Variants in GALNT18 observed in about 807,000 individuals in gnomAD.
The protein encoded by GALNT18 is polypeptide N-acetylgalactosaminyltransferase 18.
GALNT18 carries 44 observed loss-of-function variants against 69.5 expected under a neutral mutation model. That is an observed-to-expected ratio of 0.63 (90% CI 0.50 to 0.81). GALNT18 has a LOEUF of 0.81. Among genes scored for constraint, GALNT18 ranks in the 40% least tolerant of loss-of-function variants. The probability of loss-of-function intolerance (pLI) is 0.00; values close to 1 mark genes in which losing one functional copy is unlikely to be tolerated. For missense variants in GALNT18, 715 were observed against 810.0 expected, an observed-to-expected ratio of 0.88 and a Z score of 1.42; for synonymous variants, 364 against 318.2, an observed-to-expected ratio of 1.14 and a Z score of -1.53.
intron 3 of GALNT18, among the ~76,000 whole-genome samples, chr11:11,420,274 C>T (rs1052334567): frequency 6.6e-6 from 1 of 152,150 alleles, no homozygotes; most frequent in African/African-American, 2.4e-5. Flanking sequence ...CACCAGCTTC[C>T]CCAACTCCTA....
At position 11,564,193 on chromosome 11, in the gene GALNT18, A is replaced by C. The variant is rs749566284; in HGVS notation, c.235+57166T>G. Among the ~76,000 whole-genome samples, 4 of 152,216 alleles carry C rather than the reference A, an allele frequency of 2.6e-5. No homozygotes were observed. Among genetic ancestry groups the C allele is most frequent in the Non-Finnish European group, 4.4e-5 (3 of 68,042 alleles). ...GAGAGTTTATAAGCTTCCACGCTAG[A>C]ACGTGTGACTGCAAGTCCCGGGTCC... On this transcript the variant is annotated intron_variant, in intron 1 of 10. Transcript: ENST00000227756. This position sits in a 1 kb window ranked among gnomAD's most constrained non-coding sequence, Gnocchi z 4.3.
At chr11:11,287,361 G>C (rs1343270011) in intron 10 of GALNT18, among the ~76,000 whole-genome samples, 1 of 152,088 alleles carries the variant, frequency 6.6e-6, no homozygotes, top group African/African-American at 2.4e-5. Context: ...CTAACATTAG[G>C]CTATTACAAA....
chr11:11,379,051 A>G (rs778428654), intron 4 of GALNT18, 30 bp downstream of exon 4: 2 of 1,539,568 alleles, frequency 1.3e-6, no homozygotes, highest in Non-Finnish European at 1.7e-6. Context: ...TCCCACTGGG[A>G]CTCCTCCTCC....
chr11:11,333,295 G>C (rs951196428), intron 7 of GALNT18, among the ~76,000 whole-genome samples: 3 of 152,112 alleles, frequency 2.0e-5, no homozygotes, highest in African/African-American at 7.2e-5. Context: ...TAACAGCTAA[G>C]GTTTAAACAT....
rs1859149551 is a variant in GALNT18, at chr11:11,583,748, GAAAAGCA to G, written c.235+37604_235+37610del. ...ATGCTTAAAGCTTCAGCTCCTTTCA[GAAAAGCA>G]AAAATCAAACCAGACTTATAGCACT... is the stretch of plus-strand genomic sequence containing the variant. On this transcript the variant is annotated intron_variant, in intron 1 of 10. Coordinates refer to ENST00000227756, the MANE Select transcript of GALNT18 (RefSeq NM_198516.3). This position sits in a 1 kb window ranked among gnomAD's most constrained non-coding sequence, Gnocchi z 4.7. Among the ~76,000 whole-genome samples the G allele has an allele frequency of 6.6e-6, 1 of 152,160 alleles. No individual in the cohort carries two copies. Among genetic ancestry groups the G allele is most frequent in the African/African-American group, 2.4e-5 (1 of 41,452 alleles).
At chr11:11,291,692 TGGCTCCTG>T (rs1849302303) in intron 10 of GALNT18, among the ~76,000 whole-genome samples, 1 of 152,190 alleles carries the variant, frequency 6.6e-6, no homozygotes, top group Admixed American at 6.5e-5. Flanking sequence ...TGCTCCCATT[TGGCTCCTG>T]GGCTCCTCTC....
chr11:11,290,529 C>G (rs980239030), intron 10 of GALNT18, among the ~76,000 whole-genome samples: 8 of 152,208 alleles, frequency 5.3e-5, no homozygotes, highest in Admixed American at 5.2e-4. Flanking sequence ...CCTCCAGGAT[C>G]GGCCACCCCT....
intron 1 of GALNT18, among the ~76,000 whole-genome samples, chr11:11,610,766 A>G (rs1242555679): frequency 6.6e-6 from 1 of 152,240 alleles, no homozygotes; most frequent in Admixed American, 6.5e-5. Flanking sequence ...TGAGATTTAG[A>G]AGTGGAAGAA....
intron 1 of GALNT18, among the ~76,000 whole-genome samples, chr11:11,533,470 C>G (rs375543736): frequency 6.6e-6 from 1 of 152,172 alleles, no homozygotes; most frequent in Non-Finnish European, 1.5e-5. Flanking sequence ...TATCCACATA[C>G]GTCTCCCTAA....
At chr11:11,456,951 G>C (rs1012586226) in intron 1 of GALNT18, among the ~76,000 whole-genome samples, 1 of 152,200 alleles carries the variant, frequency 6.6e-6, no homozygotes, top group Non-Finnish European at 1.5e-5. Context: ...AGACAAGTGG[G>C]AAGTGGGGCA....
At chr11:11,460,535 G>A (rs1396966396) in intron 1 of GALNT18, among the ~76,000 whole-genome samples, 2 of 152,200 alleles carry the variant, frequency 1.3e-5, no homozygotes, top group Non-Finnish European at 2.9e-5. Flanking sequence ...GAGCTGTGAA[G>A]GAGCCTTATC....
chr11:11,271,710 G>A (rs927112254), intron 10 of GALNT18, among the ~76,000 whole-genome samples: 4 of 149,146 alleles, frequency 2.7e-5, no homozygotes, highest in Non-Finnish European at 6.0e-5. Context: ...TAGGGTCCAT[G>A]CCCCCAGTTG....
intron 10 of GALNT18, among the ~76,000 whole-genome samples, chr11:11,281,634 A>G (rs992318901): frequency 2.6e-5 from 4 of 152,144 alleles, no homozygotes; most frequent in African/African-American, 7.2e-5. Flanking sequence ...GCCAAGGTCT[A>G]GAGAGGAAGG....
At position 11,461,496 on chromosome 11, in the gene GALNT18, C is replaced by A. The variant is rs886465885; in HGVS notation, c.236-12560G>T. On this transcript the variant is annotated intron_variant, in intron 1 of 10. Transcript: ENST00000227756. The surrounding 1 kb of genome is among the most constrained non-coding windows in gnomAD (Gnocchi z 4.1). Reference sequence around the variant, plus strand: ...GCCATTACTTGCTACTTTAAAGCAACCTTTAAAGCTAGAATTCTGCCTAGG... The same window carrying A: ...GCCATTACTTGCTACTTTAAAGCAAACTTTAAAGCTAGAATTCTGCCTAGG... Among the ~76,000 whole-genome samples, 10 of 152,122 alleles carry A rather than the reference C, an allele frequency of 6.6e-5. No homozygotes were observed. The East Asian group carries it at 9.6e-4, about 15-fold the overall frequency.
In GALNT18 at chr11:11,389,044, A is replaced by G. The variant is rs1398747113; in HGVS notation, c.596-9780T>C. ...GAGGCTAAAGGATTTGCCCAGTATCACAGAGCTAGAAGATGGCAGAGCTGA... is the reference window on the plus strand; with the variant it reads ...GAGGCTAAAGGATTTGCCCAGTATCGCAGAGCTAGAAGATGGCAGAGCTGA... On this transcript the variant is annotated intron_variant, in intron 3 of 10. Transcript: ENST00000227756. The surrounding 1 kb of genome is among the most constrained non-coding windows in gnomAD (Gnocchi z 4.3). Among the ~76,000 whole-genome samples the G allele has an allele frequency of 6.6e-6, 1 of 152,238 alleles. No homozygotes were observed. The highest frequency in any genetic ancestry group is 1.5e-5 in the Non-Finnish European group (1 of 68,040).
intron 10 of GALNT18, among the ~76,000 whole-genome samples, chr11:11,276,555 A>G (rs1409871861): frequency 6.6e-6 from 1 of 152,160 alleles, no homozygotes. Context: ...CCTGGCCAGA[A>G]CTTCCCATAC....
chr11:11,354,126 T>C (rs10741548), intron 6 of GALNT18, among the ~76,000 whole-genome samples: 146,891 of 152,342 alleles, frequency 0.96, 71,028 homozygotes, highest in East Asian at 1. Context: ...AAGGATTTGC[T>C]CTTTTCATAG....
In GALNT18 at chr11:11,454,701, G is replaced by A. The variant is rs1477655397; in HGVS notation, c.236-5765C>T. The stretch of plus-strand genomic sequence containing the variant: ...CCAGCTCAAACCACAGAACCACAGA[G>A]AGCCAGAGAGTCAGGCCAGGAGTGC... On this transcript the variant is annotated intron_variant, in intron 1 of 10. Transcript: ENST00000227756. This position sits in a 1 kb window ranked among gnomAD's most constrained non-coding sequence, Gnocchi z 4.2. 6.6e-6 allele frequency among the ~76,000 whole-genome samples: 1 copy of A among 152,054 alleles called. No homozygotes were observed. The highest frequency in any genetic ancestry group is 1.5e-5 in the Non-Finnish European group (1 of 68,014).
In GALNT18 at chr11:11,590,369, G is replaced by A. The variant is rs553102549; in HGVS notation, c.235+30990C>T. On this transcript the variant is annotated intron_variant, in intron 1 of 10. Transcript: ENST00000227756. This position sits in a 1 kb window ranked among gnomAD's most constrained non-coding sequence, Gnocchi z 4.4. Reference sequence around the variant, plus strand: ...GTCCTTGGATGGAAGGAAGGCTGCAGGCCCACAAGGAACTTCCACATTGCT... The same window carrying A: ...GTCCTTGGATGGAAGGAAGGCTGCAAGCCCACAAGGAACTTCCACATTGCT... Among the ~76,000 whole-genome samples, 6 of 152,318 alleles carry A rather than the reference G, an allele frequency of 3.9e-5. No homozygotes were observed. Among genetic ancestry groups the A allele is most frequent in the Non-Finnish European group, 8.8e-5 (6 of 68,026 alleles).
Sources: allele counts gnomAD v4.1 joint callset (sites outside exome capture counted in the v4.1 genomes callset), GRCh38; gene constraint gnomAD v4.1.1; non-coding constraint Gnocchi (gnomAD v3.1); transcripts MANE v1.5; gene names NCBI Gene and HGNC (gene_info 2026-07-23, HGNC 2026-07-21).